PIK3C2B: variants seen among roughly 807,000 people sequenced by gnomAD.
PIK3C2B encodes phosphatidylinositol 4-phosphate 3-kinase C2 domain-containing subunit beta.
Under a neutral mutation model 184.3 loss-of-function variants are expected in PIK3C2B, and 83 were observed. The ratio of observed to expected loss-of-function variants is 0.45; its 90% confidence interval spans 0.38 to 0.54. PIK3C2B has a LOEUF of 0.54. Among genes scored for constraint, PIK3C2B ranks in the 20% least tolerant of loss-of-function variants. PIK3C2B has a pLI of 0.00. For missense variants in PIK3C2B, 1,736 were observed against 2,113.5 expected (o/e 0.82, Z 3.50); for synonymous variants, 779 against 837.6 (o/e 0.93, Z 1.21).
chr1:204,456,076 G>A (rs1315718431), intron 10 of PIK3C2B, 25 bp from the exon 11 acceptor site: 3 of 1,599,508 alleles, frequency 1.9e-6, no homozygotes, highest in Non-Finnish European at 8.5e-7. Context: ...GGTCAGAAGG[G>A]AAAGTCATGA....
intron 1 of PIK3C2B, among the ~76,000 whole-genome samples, chr1:204,473,246 A>C (rs1656440002): frequency 6.6e-6 from 1 of 152,196 alleles, no homozygotes; most frequent in Non-Finnish European, 1.5e-5. Flanking sequence ...CCTGGTCTGA[A>C]GGGTTCTGGC....
intron 1 of PIK3C2B, among the ~76,000 whole-genome samples, chr1:204,482,932 T>TCAC (rs1364292617): frequency 1.3e-5 from 2 of 152,118 alleles, no homozygotes; most frequent in African/African-American, 4.8e-5. Flanking sequence ...GTCAGCCTGG[T>TCAC]CACCCCTAGA....
chr1:204,434,486 A>G lies in PIK3C2B; in HGVS notation c.3639T>C (p.Asp1213=), dbSNP rs1675236502. 6.2e-7 allele frequency: 1 copy of G among 1,614,088 alleles called. No individual in the cohort carries two copies. The highest frequency in any genetic ancestry group is 8.5e-7 in the Non-Finnish European group (1 of 1,180,014). Reference sequence around the variant, plus strand: ...GGGCATGGCCCAGGAAGCGGCCAAAATCAATGTGGAACATGTGACCAGTGG... The same window carrying G: ...GGGCATGGCCCAGGAAGCGGCCAAAGTCAATGTGGAACATGTGACCAGTGG... ...LKTTGHMFHI[D]FGRFLGHAQM... Residue 1213 remains aspartate (D), a synonymous_variant, in exon 24 of 33, where the codon GAT becomes GAC. Coordinates refer to ENST00000684373, the MANE Select transcript of PIK3C2B (RefSeq NM_001377334.1).
At chr1:204,456,085 G>C (rs1654824760) in intron 10 of PIK3C2B, 34 bp from the exon 11 acceptor site, 2 of 1,576,714 alleles carry the variant, frequency 1.3e-6, no homozygotes, top group South Asian at 2.3e-5. Flanking sequence ...GGAAAGTCAT[G>C]AGGCCTCCAC....
At chr1:204,466,981 C>G (rs760060632) in intron 2 of PIK3C2B, 5 of 518,808 alleles carry the variant, frequency 9.6e-6, no homozygotes, top group South Asian at 4.3e-5. Context: ...AGGGGTCCCC[C>G]CTCCCAGCAG....
In PIK3C2B at chr1:204,428,148, T is replaced by C. The variant is rs763082415; in HGVS notation, c.4471A>G (p.Lys1491Glu). Reference protein sequence around the residue: ...EKAMGTSPAPKSSDGTWARPV... With the variant: ...EKAMGTSPAPESSDGTWARPV... ...AGAGAAGATACTGTACCTGAGGACT[T>C]AGGAGCTGGGCTGGTGCCCATAGCC... The change falls in exon 30 of 33, where the codon AAG becomes GAG. Residue 1491 changes from lysine (K) to glutamate (E), a missense_variant. Lys to Glu is a moderately conservative substitution (Grantham distance 56). This residue lies in a region of PIK3C2B where 200 missense variants were observed against 199.1 expected (regional missense o/e 1.00). Coordinates refer to ENST00000684373, the MANE Select transcript of PIK3C2B (RefSeq NM_001377334.1). The C allele has an allele frequency of 2.5e-6, 4 of 1,605,274 alleles. No homozygotes were observed. The highest frequency in any genetic ancestry group is 1.3e-5 in the African/African-American group (1 of 74,760).
At chr1:204,446,714 G>A (rs967940068) in intron 15 of PIK3C2B, among the ~76,000 whole-genome samples, 5 of 152,206 alleles carry the variant, frequency 3.3e-5, no homozygotes, top group African/African-American at 9.6e-5. Flanking sequence ...AGGGTCTAAT[G>A]AAGTGTAGTC....
rs752597717 is a variant in PIK3C2B, at chr1:204,425,007, G to A, written c.4750C>T (p.Gln1584Ter). Residue 1584 changes from glutamine (Q) to a stop codon, truncating the protein, a stop_gained, in exon 33 of 33, where the codon CAG (glutamine) becomes TAG (stop). Coordinates refer to ENST00000684373, the MANE Select transcript of PIK3C2B (RefSeq NM_001377334.1). LOFTEE classifies it high-confidence loss of function. ...ACGCTCAGCTGGAGCTCCCGCTGCTGCAGGTCACCCTTGGGGATCCCATCA... is the reference window on the plus strand; with the variant it reads ...ACGCTCAGCTGGAGCTCCCGCTGCTACAGGTCACCCTTGGGGATCCCATCA... The part of the protein sequence containing the change: ...VYDGIPKGDL[Q>*]QRELQLSVLS... 1 of 1,613,942 alleles carries A rather than the reference G, an allele frequency of 6.2e-7. No individual in the cohort carries two copies. The highest frequency in any genetic ancestry group is 8.5e-7 in the Non-Finnish European group (1 of 1,179,854).
At position 204,447,580 on chromosome 1, in the gene PIK3C2B, T is replaced by C; in HGVS notation, c.2347-2A>G. The stretch of plus-strand genomic sequence containing the variant: ...AAAGGCCGAGGTGGGGAAGTCAATC[T>C]GGGGGATGAGATCAGGGATGTGAGG... On this transcript the variant is annotated splice_acceptor_variant, in intron 14 of 32. Transcript: ENST00000684373. LOFTEE classifies it high-confidence loss of function. This position sits in a 1 kb window ranked among gnomAD's most constrained non-coding sequence, Gnocchi z 4.1. The C allele has an allele frequency of 3.7e-6, 6 of 1,603,180 alleles. No individual in the cohort carries two copies. The highest frequency in any genetic ancestry group is 5.1e-6 in the Non-Finnish European group (6 of 1,177,156).
chr1:204,458,692 C>G (rs1360845637), intron 8 of PIK3C2B, among the ~76,000 whole-genome samples: 1 of 152,094 alleles, frequency 6.6e-6, no homozygotes. Flanking sequence ...TGGGGCTTCA[C>G]CATGTTGGCC....
Position 204,446,078 on chromosome 1 carries a change from C to A in PIK3C2B, c.2556G>T (p.Ser852=), listed in dbSNP as rs115140514. ...KRYYCHSEVS[S]LPLVLASAPS... ...GGGCGCTGGCGAGCACCAGGGGGAG[C>A]GAGCTCACCTCCGAGTGGCAGTAAT... Residue 852 remains serine, a synonymous_variant, in exon 16 of 33, where the codon TCG becomes TCT. Coordinates refer to ENST00000684373, the MANE Select transcript of PIK3C2B (RefSeq NM_001377334.1). 4 of 1,598,412 alleles carry A rather than the reference C, an allele frequency of 2.5e-6. No individual in the cohort carries two copies. The highest frequency in any genetic ancestry group is 2.6e-6 in the Non-Finnish European group (3 of 1,169,774).
chr1:204,424,546 C>G lies in PIK3C2B; in HGVS notation c.*306G>C. The G allele has an allele frequency of 2.0e-6, 1 of 503,186 alleles. No homozygotes were observed. The highest frequency in any genetic ancestry group is 3.9e-6 in the Non-Finnish European group (1 of 259,112). 31.2% of individuals were successfully genotyped at this position (503,186 alleles called of 1,614,324 possible). A position where few individuals can be genotyped will look rare whatever the true frequency, so the allele number is the denominator to read the frequency against. ...CCCCAAAATGCTACTTCATACAGCC[C>G]ACCCCACACACTCCCCAAACCAAGC... On this transcript the variant is annotated 3_prime_UTR_variant, in exon 33 of 33. Coordinates refer to ENST00000684373, the MANE Select transcript of PIK3C2B (RefSeq NM_001377334.1).
At chr1:204,428,978 C>T (rs1290379086) in intron 29 of PIK3C2B, 5 of 449,676 alleles carry the variant, frequency 1.1e-5, no homozygotes, top group African/African-American at 4.0e-5. Context: ...AATTCCAGCA[C>T]TTTGGGAGGC....
chr1:204,433,635 G>A lies in PIK3C2B; in HGVS notation c.3843+158C>T, dbSNP rs1675189269. ...ACCTACACAGACATCATTGTCCTCA[G>A]GTAGTCTGGGTCCCTGCCTTTATCT... On this transcript the variant is annotated intron_variant, in intron 25 of 32. Coordinates refer to ENST00000684373, the MANE Select transcript of PIK3C2B (RefSeq NM_001377334.1). This position sits in a 1 kb window ranked among gnomAD's most constrained non-coding sequence, Gnocchi z 5.0. Among the ~76,000 whole-genome samples, 1 of 152,214 alleles carries A rather than the reference G, an allele frequency of 6.6e-6. No homozygotes were observed. The highest frequency in any genetic ancestry group is 1.5e-5 in the Non-Finnish European group (1 of 68,042).
rs79079343 is a variant in PIK3C2B, at chr1:204,471,974, T to C, written c.-84-2088A>G. Among the ~76,000 whole-genome samples, 603 of 133,806 alleles carry C rather than the reference T, an allele frequency of 4.5e-3. 6 individuals are homozygous for C. The highest frequency in any genetic ancestry group is 0.015 in the African/African-American group (581 of 37,930). 87.8% of individuals were successfully genotyped at this position (133,806 alleles called of 152,430 possible). A position where few individuals can be genotyped will look rare whatever the true frequency, so the allele number is the denominator to read the frequency against. On this transcript the variant is annotated intron_variant, in intron 1 of 32. Coordinates refer to ENST00000684373, the MANE Select transcript of PIK3C2B (RefSeq NM_001377334.1). ...GTGCCAAAATATTGATTTTTTTTTT[T>C]CCCCCAGCCCTCAGGAAGCCACACT...
intron 2 of PIK3C2B, chr1:204,466,856 G>A (rs1655840494): frequency 1.9e-6 from 1 of 533,042 alleles, no homozygotes; most frequent in African/African-American, 1.9e-5. Context: ...AGGGGTATCA[G>A]GCTGGCATTT....
chr1:204,460,949 G>T (rs1317402299), intron 5 of PIK3C2B, among the ~76,000 whole-genome samples: 1 of 152,158 alleles, frequency 6.6e-6, no homozygotes, highest in Non-Finnish European at 1.5e-5. Flanking sequence ...TCACTCCAGG[G>T]CTGGGAACTG....
At chr1:204,476,660 G>C (rs1172281704) in intron 1 of PIK3C2B, among the ~76,000 whole-genome samples, 1 of 152,244 alleles carries the variant, frequency 6.6e-6, no homozygotes, top group Non-Finnish European at 1.5e-5. Context: ...GAAAGAGGAA[G>C]GGTAGATCAG....
chr1:204,428,775 A>C (rs1430422463), intron 29 of PIK3C2B: 2 of 345,628 alleles, frequency 5.8e-6, no homozygotes, highest in African/African-American at 2.2e-5. Flanking sequence ...GAGCCACTGC[A>C]CCTGGCATGT....
Sources: allele counts gnomAD v4.1 joint callset (sites outside exome capture counted in the v4.1 genomes callset), GRCh38; gene constraint gnomAD v4.1.1; regional missense constraint gnomAD v4.1.1; non-coding constraint Gnocchi (gnomAD v3.1); transcripts MANE v1.5; gene names NCBI Gene and HGNC (gene_info 2026-07-23, HGNC 2026-07-21).